SH3GL2: variants seen among roughly 807,000 people sequenced by gnomAD.
SH3GL2 encodes endophilin-A1.
A neutral mutation model predicts 46.0 loss-of-function variants in SH3GL2; 24 were observed. The observed-to-expected ratio is 0.52, with a 90% CI of 0.38 to 0.73. SH3GL2 has a LOEUF of 0.73. SH3GL2 is among the 30% of genes least tolerant of loss of function. The pLI, the probability that SH3GL2 is intolerant of heterozygous loss-of-function variation, is 0.00. For synonymous variants in SH3GL2, 196 were observed against 147.1 expected, an observed-to-expected ratio of 1.33 and a Z score of -2.40; for missense variants, 413 against 424.2, an observed-to-expected ratio of 0.97 and a Z score of 0.23.
At chr9:17,731,232 G>A (rs1822170106) in intron 1 of SH3GL2, among the ~76,000 whole-genome samples, 1 of 152,046 alleles carries the variant, frequency 6.6e-6, no homozygotes, top group African/African-American at 2.4e-5. Flanking sequence ...TCCCTGCTAT[G>A]GACTGAATGT....
At chr9:17,705,735 G>T (rs1265971586) in intron 1 of SH3GL2, among the ~76,000 whole-genome samples, 1 of 151,966 alleles carries the variant, frequency 6.6e-6, no homozygotes, top group Non-Finnish European at 1.5e-5. Flanking sequence ...TCAGGTATAA[G>T]TGGGAGCTAA....
intron 1 of SH3GL2, among the ~76,000 whole-genome samples, chr9:17,581,264 T>C (rs1818272476): frequency 6.6e-6 from 1 of 152,176 alleles, no homozygotes; most frequent in Non-Finnish European, 1.5e-5. Context: ...GAAAAAATAA[T>C]TTAAACTGCG....
intron 1 of SH3GL2, among the ~76,000 whole-genome samples, chr9:17,645,804 A>G (rs781415650): frequency 6.6e-6 from 1 of 151,488 alleles, no homozygotes; most frequent in Non-Finnish European, 1.5e-5. Flanking sequence ...TGCACTTAAC[A>G]TTTTTTCCTT....
At chr9:17,750,177 G>A (rs1460016217) in intron 2 of SH3GL2, among the ~76,000 whole-genome samples, 23 of 151,966 alleles carry the variant, frequency 1.5e-4, no homozygotes, top group Admixed American at 1.4e-3. Context: ...ATCTTTTCTC[G>A]CCTGTTAATT....
intron 1 of SH3GL2, among the ~76,000 whole-genome samples, chr9:17,721,153 T>C (rs1375332527): frequency 2.0e-5 from 3 of 152,044 alleles, no homozygotes; most frequent in Non-Finnish European, 4.4e-5. Flanking sequence ...ACTGACTGCT[T>C]GGCTTTTGAT....
intron 1 of SH3GL2, among the ~76,000 whole-genome samples, chr9:17,649,689 C>T (rs953153568): frequency 7.9e-5 from 12 of 152,088 alleles, no homozygotes; most frequent in East Asian, 5.8e-4. Flanking sequence ...GGCAAATACA[C>T]GTATTAGGTC....
intron 1 of SH3GL2, among the ~76,000 whole-genome samples, chr9:17,721,782 C>T (rs1821899257): frequency 6.6e-6 from 1 of 152,038 alleles, no homozygotes; most frequent in Admixed American, 6.6e-5. Flanking sequence ...GAGGCCTTCC[C>T]AGCCTCCGTA....
At chr9:17,688,640 A>T (rs983294296) in intron 1 of SH3GL2, among the ~76,000 whole-genome samples, 1 of 151,998 alleles carries the variant, frequency 6.6e-6, no homozygotes, top group African/African-American at 2.4e-5. Flanking sequence ...GCGAGAGAGG[A>T]AAGGGGTGCT....
chr9:17,627,284 G>C (rs1382480318), intron 1 of SH3GL2, among the ~76,000 whole-genome samples: 2 of 152,110 alleles, frequency 1.3e-5, no homozygotes, highest in Non-Finnish European at 2.9e-5. Flanking sequence ...ATAGTGCCCA[G>C]AGCCCACCTA....
At chr9:17,630,981 G>A (rs1819408205) in intron 1 of SH3GL2, among the ~76,000 whole-genome samples, 1 of 151,828 alleles carries the variant, frequency 6.6e-6, no homozygotes, top group South Asian at 2.1e-4. Context: ...GATCCAATTA[G>A]GATGATGGGG....
chr9:17,730,012 C>G lies in SH3GL2; in HGVS notation c.46-17054C>G, dbSNP rs544727656. Among the ~76,000 whole-genome samples the G allele has an allele frequency of 2.0e-5, 3 of 152,204 alleles. No individual in the cohort carries two copies. In the South Asian group the frequency reaches 6.2e-4, roughly 32 times the overall value. ...ATTCTGTGAAGAAAGTCAATGGCAGCTTGATGGGAATAGCACTGAATCTGT... is the reference window on the plus strand; with the variant it reads ...ATTCTGTGAAGAAAGTCAATGGCAGGTTGATGGGAATAGCACTGAATCTGT... On this transcript the variant is annotated intron_variant, in intron 1 of 8. Coordinates refer to ENST00000380607, the MANE Select transcript of SH3GL2 (RefSeq NM_003026.5).
intron 1 of SH3GL2, among the ~76,000 whole-genome samples, chr9:17,691,425 C>G (rs897253070): frequency 6.6e-6 from 1 of 152,058 alleles, no homozygotes; most frequent in African/African-American, 2.4e-5. Flanking sequence ...TAATATATTG[C>G]TTAGAAAAAC....
At chr9:17,641,940 C>G (rs933698055) in intron 1 of SH3GL2, among the ~76,000 whole-genome samples, 1 of 152,072 alleles carries the variant, frequency 6.6e-6, no homozygotes, top group African/African-American at 2.4e-5. Context: ...TTTTATAATC[C>G]TTTGGGTATA....
At chr9:17,794,429 C>T (rs940314369) in intron 8 of SH3GL2, among the ~76,000 whole-genome samples, 86 of 152,220 alleles carry the variant, frequency 5.6e-4, no homozygotes, top group African/African-American at 1.9e-3. Flanking sequence ...CTGTCCTTTG[C>T]GCTCAGCACT....
At chr9:17,738,569 T>TGCGTGTGTGTATATACATAC in intron 1 of SH3GL2, among the ~76,000 whole-genome samples, 1 of 88,070 alleles carries the variant, frequency 1.1e-5, no homozygotes, top group East Asian at 5.1e-4. Context: ...TACATACATA[T>TGCGTGTGTGTATATACATAC]ATATATAGAG....
At chr9:17,774,590 G>C (rs1287442423) in intron 3 of SH3GL2, among the ~76,000 whole-genome samples, 1 of 151,832 alleles carries the variant, frequency 6.6e-6, no homozygotes, top group East Asian at 1.9e-4. Flanking sequence ...TGAGGTATTA[G>C]ATGGACCCAT....
At chr9:17,587,653 G>A (rs1426473402) in intron 1 of SH3GL2, among the ~76,000 whole-genome samples, 2 of 152,104 alleles carry the variant, frequency 1.3e-5, no homozygotes, top group Admixed American at 6.6e-5. Flanking sequence ...CGAGGTGGGC[G>A]GGTCACCTGA....
At chr9:17,767,699 T>A (rs1823353711) in intron 3 of SH3GL2, among the ~76,000 whole-genome samples, 1 of 152,226 alleles carries the variant, frequency 6.6e-6, no homozygotes, top group South Asian at 2.1e-4. Flanking sequence ...GGATGTGTGC[T>A]GAGTCTAGTA....
At chr9:17,731,457 C>CAG (rs372121624) in intron 1 of SH3GL2, among the ~76,000 whole-genome samples, 3,008 of 149,156 alleles carry the variant, frequency 0.02, 57 homozygotes, top group African/African-American at 0.037. Context: ...GAGAGACAGA[C>CAG]AGAGAGAGAG....
Sources: gnomAD v4.1 joint callset for allele counts (sites outside exome capture counted in the v4.1 genomes callset) on GRCh38, gnomAD v4.1.1 for gene constraint, MANE v1.5 for transcripts, NCBI Gene and HGNC (gene_info 2026-07-23, HGNC 2026-07-21) for gene names.